Variants in PRKG1 observed in about 807,000 individuals in gnomAD.
The protein encoded by PRKG1 is cGMP-dependent protein kinase 1.
PRKG1 carries 35 observed loss-of-function variants against 88.1 expected under a neutral mutation model. That is an observed-to-expected ratio of 0.40 (90% CI 0.30 to 0.53). The LOEUF is 0.53. PRKG1 is among the 20% of genes least tolerant of loss of function. PRKG1 has a pLI of 0.59. For synonymous variants in PRKG1, 303 were observed against 292.5 expected, an observed-to-expected ratio of 1.04 and a Z score of -0.37; for missense variants, 540 against 839.8, an observed-to-expected ratio of 0.64 and a Z score of 4.41.
At chr10:52,169,723 A>T (rs1838606656) in intron 9 of PRKG1, among the ~76,000 whole-genome samples, 1 of 152,256 alleles carries the variant, frequency 6.6e-6, no homozygotes, top group African/African-American at 2.4e-5. Flanking sequence ...CAAAGGCTAC[A>T]AATGAATCTA....
intron 1 of PRKG1, among the ~76,000 whole-genome samples, chr10:50,999,996 A>G (rs1286093492): frequency 1.3e-5 from 2 of 152,180 alleles, no homozygotes; most frequent in African/African-American, 4.8e-5. Flanking sequence ...TTAAAAAACA[A>G]ATTTTAAAAA....
At chr10:51,796,035 C>T (rs1025446367) in intron 3 of PRKG1, among the ~76,000 whole-genome samples, 19 of 152,186 alleles carry the variant, frequency 1.2e-4, no homozygotes, top group African/African-American at 3.9e-4. Flanking sequence ...CCAGTTCTCT[C>T]CTAATAGAGA....
chr10:52,020,037 A>G (rs988782399), intron 5 of PRKG1, among the ~76,000 whole-genome samples: 6 of 151,982 alleles, frequency 3.9e-5, no homozygotes, highest in African/African-American at 1.4e-4. Context: ...ATATATTTTA[A>G]TATATTTTAT....
At chr10:51,777,846 G>C (rs1838481140) in intron 3 of PRKG1, among the ~76,000 whole-genome samples, 1 of 152,092 alleles carries the variant, frequency 6.6e-6, no homozygotes, top group Non-Finnish European at 1.5e-5. Context: ...GTATACTGTA[G>C]TTGGAATTGT....
intron 5 of PRKG1, among the ~76,000 whole-genome samples, chr10:52,017,127 A>T (rs74132900): frequency 0.016 from 2,404 of 152,310 alleles, 74 homozygotes; most frequent in African/African-American, 0.055. Flanking sequence ...TATTTTAAGA[A>T]AAAGAAAAAC....
Position 52,166,809 on chromosome 10 carries a change from G to GTATATATATA in PRKG1, c.1076+4855_1076+4856insATATATATAT, listed in dbSNP as rs1329775053. On this transcript the variant is annotated intron_variant, in intron 9 of 17. Transcript: ENST00000373980. ...AGCCTATATATATACATATATATAT[G>GTATATATATA]TATATATATGTATATATATGTATAT... Among the ~76,000 whole-genome samples, 329 of 70,192 alleles carry GTATATATATA rather than the reference G, an allele frequency of 4.7e-3. 8 individuals are homozygous for GTATATATATA. The highest frequency in any genetic ancestry group is 0.033 in the African/African-American group (302 of 9,058). The allele number at this position is 70,192 out of a possible 152,430, so 46.0% of individuals were successfully genotyped here.
At chr10:51,668,022 T>A (rs958560685) in intron 3 of PRKG1, among the ~76,000 whole-genome samples, 1 of 152,138 alleles carries the variant, frequency 6.6e-6, no homozygotes, top group African/African-American at 2.4e-5. Flanking sequence ...TGACATAAAA[T>A]TTAGGTCAAC....
chr10:51,549,642 A>G (rs779428452), intron 3 of PRKG1, among the ~76,000 whole-genome samples: 2 of 152,214 alleles, frequency 1.3e-5, no homozygotes, highest in Non-Finnish European at 2.9e-5. Flanking sequence ...TCTCCTTCTA[A>G]CATTTTCATG....
intron 9 of PRKG1, among the ~76,000 whole-genome samples, chr10:52,227,705 C>T (rs921054601): frequency 1.3e-5 from 2 of 152,080 alleles, no homozygotes; most frequent in Non-Finnish European, 2.9e-5. Flanking sequence ...AATATAAAGA[C>T]ATGAATAATA....
intron 4 of PRKG1, among the ~76,000 whole-genome samples, chr10:51,826,820 T>C (rs1468695438): frequency 6.7e-6 from 1 of 148,876 alleles, no homozygotes; most frequent in East Asian, 1.9e-4. Context: ...ATTTGGGAAG[T>C]AGCTTGTATC....
At chr10:51,739,912 G>A (rs1392311068) in intron 3 of PRKG1, among the ~76,000 whole-genome samples, 2 of 152,182 alleles carry the variant, frequency 1.3e-5, no homozygotes, top group Non-Finnish European at 2.9e-5. Flanking sequence ...CTGCACTCCA[G>A]CCTGGGTGAC....
rs553554153 is a variant in PRKG1, at chr10:52,208,300, A to G, written c.1077-43270A>G. Among the ~76,000 whole-genome samples the G allele has an allele frequency of 2.0e-5, 3 of 152,320 alleles. No homozygotes were observed. In the South Asian group the frequency reaches 6.2e-4, roughly 32 times the overall value. On this transcript the variant is annotated intron_variant, in intron 9 of 17. Transcript: ENST00000373980. ...CAATCCCTTTCAAAACTGCTTCTGA[A>G]TCTTCTGTTGGTAGCTTAACCATGG... is the stretch of plus-strand genomic sequence containing the variant.
At chr10:51,545,095 A>G (rs997976856) in intron 3 of PRKG1, among the ~76,000 whole-genome samples, 1 of 151,930 alleles carries the variant, frequency 6.6e-6, no homozygotes, top group Middle Eastern at 3.4e-3. Flanking sequence ...TTTATTTGCT[A>G]TCTGCCCTTG....
chr10:51,929,544 T>G (rs1225481010), intron 5 of PRKG1, among the ~76,000 whole-genome samples: 1 of 151,980 alleles, frequency 6.6e-6, no homozygotes, highest in Admixed American at 6.6e-5. Flanking sequence ...AGAGATGGGT[T>G]TTCACCATGT....
intron 2 of PRKG1, among the ~76,000 whole-genome samples, chr10:51,465,481 T>C (rs565755087): frequency 2.0e-5 from 3 of 152,362 alleles, no homozygotes; most frequent in East Asian, 3.9e-4. Context: ...AAGAAAATTT[T>C]ACAAAGCATT....
chr10:51,249,299 A>G (rs1249088136), intron 2 of PRKG1, among the ~76,000 whole-genome samples: 1 of 151,912 alleles, frequency 6.6e-6, no homozygotes, highest in South Asian at 2.1e-4. Context: ...TAAGCAACGC[A>G]TATATTATAG....
intron 3 of PRKG1, among the ~76,000 whole-genome samples, chr10:51,610,107 C>G (rs1423085841): frequency 1.3e-5 from 2 of 152,142 alleles, no homozygotes; most frequent in Non-Finnish European, 1.5e-5. Context: ...GGGTATCTAT[C>G]ACATGAGCAT....
intron 4 of PRKG1, among the ~76,000 whole-genome samples, chr10:51,870,242 T>G (rs1841121813): frequency 6.6e-6 from 1 of 152,140 alleles, no homozygotes; most frequent in African/African-American, 2.4e-5. Context: ...GGTGCCCAAA[T>G]CAAGTGACCC....
chr10:51,278,203 T>C (rs1840183835), intron 2 of PRKG1, among the ~76,000 whole-genome samples: 1 of 152,232 alleles, frequency 6.6e-6, no homozygotes, highest in African/African-American at 2.4e-5. Flanking sequence ...CTGCATCTAT[T>C]GAGATAATCA....
Sources: allele counts gnomAD v4.1 joint callset (sites outside exome capture counted in the v4.1 genomes callset), GRCh38; gene constraint gnomAD v4.1.1; transcripts MANE v1.5; gene names NCBI Gene and HGNC (gene_info 2026-07-23, HGNC 2026-07-21).